The following RBFOX3 variants were observed in gnomAD, a reference collection of about 807,000 sequenced individuals.
RBFOX3 encodes RNA binding protein fox-1 homolog 3.
RBFOX3 carries 17 observed loss-of-function variants against 48.7 expected under a neutral mutation model. The observed-to-expected ratio is 0.35, with a 90% confidence interval of 0.24 to 0.52. The LOEUF (loss-of-function observed/expected upper bound fraction) is 0.52. RBFOX3 is among the 20% of genes least tolerant of loss of function. The pLI, the probability that RBFOX3 is intolerant of heterozygous loss-of-function variation, is 0.94. For synonymous variants in RBFOX3, 212 were observed against 209.5 expected (o/e 1.01, Z -0.10); for missense variants, 382 against 497.5 (o/e 0.77, Z 2.21).
At chr17:79,648,081 G>A in the RBFOX3 span, among the ~76,000 whole-genome samples, 1 of 151,960 alleles carries the variant, frequency 6.6e-6, no homozygotes, top group South Asian at 2.1e-4. Context: ...AGTGGTGGAT[G>A]CAGAGCTGGT....
intron 3 of RBFOX3, among the ~76,000 whole-genome samples, chr17:79,291,386 C>T (rs539987086): frequency 1.3e-5 from 2 of 152,306 alleles, no homozygotes; most frequent in African/African-American, 2.4e-5. Flanking sequence ...AAGAAAGTTG[C>T]TATGAGGCTG....
At position 79,306,853 on chromosome 17, in the gene RBFOX3, G is replaced by A. The variant is rs147436784; in HGVS notation, c.-74+871C>T. ...GATCCTCAGACCCGCCAGCCTGGGCGTTGGGCCTCTGTCAGGAGGAAGATG... is the reference window on the plus strand; with the variant it reads ...GATCCTCAGACCCGCCAGCCTGGGCATTGGGCCTCTGTCAGGAGGAAGATG... On this transcript the variant is annotated intron_variant, in intron 3 of 14. Coordinates refer to ENST00000693108, the MANE Select transcript of RBFOX3 (RefSeq NM_001350451.2). 4.6e-4 allele frequency among the ~76,000 whole-genome samples: 70 copies of A among 151,868 alleles called. No homozygotes were observed. In the East Asian group the frequency reaches 5.6e-3, roughly 12 times the overall value.
At chr17:79,488,796 C>T (rs1168482335) in intron 1 of RBFOX3, among the ~76,000 whole-genome samples, 1 of 152,200 alleles carries the variant, frequency 6.6e-6, no homozygotes, top group Non-Finnish European at 1.5e-5. Context: ...AAGGGCTTTG[C>T]ACTAAATCAC....
At position 79,314,648 on chromosome 17, in the gene RBFOX3, G is replaced by T. The variant is rs747015605; in HGVS notation, c.-174-6824C>A. 3.5e-3 allele frequency among the ~76,000 whole-genome samples: 528 copies of T among 152,098 alleles called. 3 individuals carry two copies. The highest frequency in any genetic ancestry group is 0.028 in the Middle Eastern group (8 of 286). ...ATTCTCCACAGTAGATAAAAGGAACGTATCAGAAACACACCAGAGCTGCAG... is the reference window on the plus strand; with the variant it reads ...ATTCTCCACAGTAGATAAAAGGAACTTATCAGAAACACACCAGAGCTGCAG... On this transcript the variant is annotated intron_variant, in intron 2 of 14. Transcript: ENST00000693108.
At chr17:79,302,667 G>GA (rs936506412) in intron 3 of RBFOX3, among the ~76,000 whole-genome samples, 85 of 151,720 alleles carry the variant, frequency 5.6e-4, no homozygotes, top group African/African-American at 1.3e-3. Context: ...CAAAAGAAAA[G>GA]AAAAAAAATA....
chr17:79,228,715 C>T (rs780218388), intron 4 of RBFOX3, among the ~76,000 whole-genome samples: 3 of 152,176 alleles, frequency 2.0e-5, no homozygotes, highest in Non-Finnish European at 2.9e-5. Context: ...TCAGAAATAG[C>T]CGTGAGTTTG....
chr17:79,664,780 C>T, the RBFOX3 span, among the ~76,000 whole-genome samples: 1 of 152,080 alleles, frequency 6.6e-6, no homozygotes, highest in Admixed American at 6.5e-5. Context: ...CCTCTTACTC[C>T]CTCCTCCCCC....
At chr17:79,193,627 C>A (rs2054964254) in intron 4 of RBFOX3, among the ~76,000 whole-genome samples, 1 of 152,160 alleles carries the variant, frequency 6.6e-6, no homozygotes, top group African/African-American at 2.4e-5. Flanking sequence ...TATGGGAATT[C>A]TATATGGCAA....
Position 79,092,573 on chromosome 17 carries a change from T to A in RBFOX3, c.1078-1688A>T, listed in dbSNP as rs574241922. 4.5e-4 allele frequency: 443 copies of A among 987,510 alleles called. 1 individual carries two copies. The highest frequency in any genetic ancestry group is 5.2e-4 in the Non-Finnish European group (431 of 830,044). The allele number at this position is 987,510 out of a possible 1,614,324, so 61.2% of individuals were successfully genotyped here. On this transcript the variant is annotated intron_variant, in intron 14 of 14. Coordinates refer to ENST00000693108, the MANE Select transcript of RBFOX3 (RefSeq NM_001350451.2). Reference sequence around the variant, plus strand: ...GTGTGTAATAGGCAGTCAGTGTGAATGCTGTTAGGGGCTGGGTCTCTTGCT... The same window carrying A: ...GTGTGTAATAGGCAGTCAGTGTGAAAGCTGTTAGGGGCTGGGTCTCTTGCT...
At chr17:79,248,186 C>T (rs554340712) in intron 3 of RBFOX3, among the ~76,000 whole-genome samples, 1 of 152,250 alleles carries the variant, frequency 6.6e-6, no homozygotes, top group East Asian at 1.9e-4. Context: ...AAGACTTCTG[C>T]ACCTCTTGGA....
At chr17:79,248,115 C>T (rs953712536) in intron 3 of RBFOX3, among the ~76,000 whole-genome samples, 4 of 152,158 alleles carry the variant, frequency 2.6e-5, no homozygotes, top group African/African-American at 7.2e-5. Flanking sequence ...GGCGAAGGGG[C>T]GGGGCTCTCC....
In RBFOX3 at chr17:79,471,127, G is replaced by T. The variant is rs1162028444; in HGVS notation, c.-175+11327C>A. Among the ~76,000 whole-genome samples, 1 of 152,138 alleles carries T rather than the reference G, an allele frequency of 6.6e-6. No individual in the cohort carries two copies. Among genetic ancestry groups the T allele is most frequent in the Non-Finnish European group, 1.5e-5 (1 of 68,026 alleles). On this transcript the variant is annotated intron_variant, in intron 2 of 14. Coordinates refer to ENST00000693108, the MANE Select transcript of RBFOX3 (RefSeq NM_001350451.2). The surrounding 1 kb of genome is among the most constrained non-coding windows in gnomAD (Gnocchi z 4.0). ...GCTTTCTGCTGGCCTCAGTGACAAT[G>T]CTTGACATCCATAATGCAGAATGGA...
intron 2 of RBFOX3, among the ~76,000 whole-genome samples, chr17:79,342,556 C>T (rs1020874739): frequency 3.3e-5 from 5 of 152,214 alleles, no homozygotes; most frequent in Non-Finnish European, 7.3e-5. Context: ...GAATCCCCTC[C>T]CTGCAAAGCC....
At chr17:79,581,407 G>A (rs1472492124) in intron 1 of RBFOX3, among the ~76,000 whole-genome samples, 3 of 152,220 alleles carry the variant, frequency 2.0e-5, no homozygotes, top group South Asian at 4.1e-4. Context: ...GCCCTTAGCT[G>A]GGCCAGATTG....
At chr17:79,145,589 TCCTTCTGGGGGCGCAGAGGC>T (rs928421645) in intron 4 of RBFOX3, among the ~76,000 whole-genome samples, 3 of 152,182 alleles carry the variant, frequency 2.0e-5, no homozygotes, top group African/African-American at 7.2e-5. Context: ...GCCCTGGCCT[TCCTTCTGGGGGCGCAGAGGC>T]CTGCTGAGCA....
intron 9 of RBFOX3, among the ~76,000 whole-genome samples, chr17:79,101,145 T>C (rs1000029910): frequency 5.9e-5 from 9 of 152,106 alleles, no homozygotes; most frequent in Non-Finnish European, 8.8e-5. Context: ...TAGAAGCTCA[T>C]CCAAGGCCCC....
chr17:79,474,534 C>T (rs1320857301), intron 2 of RBFOX3, among the ~76,000 whole-genome samples: 1 of 152,208 alleles, frequency 6.6e-6, no homozygotes, highest in East Asian at 1.9e-4. Context: ...GGAGGATGGG[C>T]TGTGCATGCA....
At chr17:79,097,625 A>G in intron 10 of RBFOX3, 67 bp downstream of exon 10, 2 of 1,212,890 alleles carry the variant, frequency 1.6e-6, no homozygotes, top group South Asian at 1.4e-5. Flanking sequence ...CCGCCCCCAG[A>G]GCCCCCGGAG....
intron 4 of RBFOX3, among the ~76,000 whole-genome samples, chr17:79,119,824 C>G (rs539530982): frequency 7.9e-5 from 12 of 152,190 alleles, no homozygotes; most frequent in Admixed American, 2.0e-4. Context: ...GCTACACATC[C>G]CAGTCACCTA....
Sources: gnomAD v4.1 joint callset for allele counts (sites outside exome capture counted in the v4.1 genomes callset) on GRCh38, gnomAD v4.1.1 for gene constraint, Gnocchi (gnomAD v3.1) non-coding constraint, MANE v1.5 for transcripts, NCBI Gene and HGNC (gene_info 2026-07-23, HGNC 2026-07-21) for gene names.